The following DROSHA variants were observed in gnomAD, a reference collection of about 807,000 sequenced individuals.
The protein encoded by DROSHA is drosha ribonuclease III, also known as ribonuclease 3.
In DROSHA, 56 loss-of-function variants were observed where a neutral mutation model predicts 181.9. The observed-to-expected ratio is 0.31, with a 90% CI of 0.25 to 0.38. DROSHA has a LOEUF of 0.38. Ranked by LOEUF, DROSHA falls within the 10% of genes least tolerant of loss-of-function variation. The pLI, the probability that DROSHA is intolerant of heterozygous loss-of-function variation, is 1.00. For missense variants in DROSHA, 1,218 were observed against 1,743.5 expected (o/e 0.70, Z 5.37); for synonymous variants, 524 against 591.2 (o/e 0.89, Z 1.65).
chr5:31,481,536 C>G (rs1187443912), intron 16 of DROSHA, among the ~76,000 whole-genome samples: 1 of 152,190 alleles, frequency 6.6e-6, no homozygotes, highest in South Asian at 2.1e-4. Context: ...ACTGTTGAAG[C>G]TCCATTCTAA....
At chr5:31,531,771 G>A (rs1025722161) in intron 1 of DROSHA, among the ~76,000 whole-genome samples, 8 of 152,016 alleles carry the variant, frequency 5.3e-5, no homozygotes, top group African/African-American at 1.7e-4. Context: ...GGACCATAGT[G>A]TGTGCTCCAC....
intron 20 of DROSHA, among the ~76,000 whole-genome samples, chr5:31,456,344 G>T (rs558311280): frequency 8.7e-4 from 132 of 152,144 alleles, no homozygotes; most frequent in African/African-American, 3.0e-3. Context: ...GTAGGATGAG[G>T]TTGCTGTCTG....
intron 9 of DROSHA, among the ~76,000 whole-genome samples, chr5:31,510,444 C>G (rs1440281520): frequency 1.3e-5 from 2 of 152,194 alleles, no homozygotes; most frequent in African/African-American, 4.8e-5. Context: ...GAACATGTAG[C>G]TAAATGCACA....
chr5:31,408,993 C>CA, intron 33 of DROSHA, 63 bp downstream of exon 33: 2 of 1,475,132 alleles, frequency 1.4e-6, no homozygotes, highest in Non-Finnish European at 1.9e-6. Flanking sequence ...CTTCAAGGCA[C>CA]ATGGAAAGTC....
At chr5:31,500,857 C>A (rs541694937) in intron 11 of DROSHA, among the ~76,000 whole-genome samples, 95 of 152,324 alleles carry the variant, frequency 6.2e-4, no homozygotes, top group African/African-American at 2.1e-3. Flanking sequence ...GTTAATAGAA[C>A]ATGGTGTCCT....
chr5:31,491,316 T>C (rs895917500), intron 13 of DROSHA, among the ~76,000 whole-genome samples: 3 of 152,190 alleles, frequency 2.0e-5, no homozygotes, highest in African/African-American at 4.8e-5. Flanking sequence ...TGCCATCTTA[T>C]TTATTTTTCA....
At chr5:31,454,099 A>T (rs1747358897) in intron 20 of DROSHA, among the ~76,000 whole-genome samples, 1 of 152,216 alleles carries the variant, frequency 6.6e-6, no homozygotes. Flanking sequence ...TCTGTGTGAG[A>T]GAAGAGAGGC....
chr5:31,453,826 A>G (rs1747318094), intron 20 of DROSHA, among the ~76,000 whole-genome samples: 1 of 152,094 alleles, frequency 6.6e-6, no homozygotes, highest in African/African-American at 2.4e-5. Flanking sequence ...TACCTACAAG[A>G]CTTTAAATTT....
chr5:31,444,702 A>G (rs1199104028), intron 23 of DROSHA, among the ~76,000 whole-genome samples: 1 of 152,166 alleles, frequency 6.6e-6, no homozygotes, highest in South Asian at 2.1e-4. Context: ...AGACTTTACA[A>G]TGTAGCAGGG....
In DROSHA at chr5:31,437,249, A is replaced by G; in HGVS notation, c.2932T>C (p.Phe978Leu). 1 of 1,575,910 alleles carries G rather than the reference A, an allele frequency of 6.3e-7. No individual in the cohort carries two copies. Among genetic ancestry groups the G allele is most frequent in the Non-Finnish European group, 8.6e-7 (1 of 1,159,438 alleles). The change falls in exon 24 of 36, where the codon TTT becomes CTT. Residue 978 changes from phenylalanine (F) to leucine (L), a missense_variant. Coordinates refer to ENST00000344624, the MANE Select transcript of DROSHA (RefSeq NM_001382508.1). ...LEFLGDAVVE[F>L]LTSVHLYYLF... ...AAAAAGCCTAATTACCTGGTCAGAA[A>G]TTCAACAACAGCATCACCCAGGAAT...
intron 14 of DROSHA, among the ~76,000 whole-genome samples, chr5:31,485,431 T>G (rs1159765553): frequency 6.8e-6 from 1 of 147,246 alleles, no homozygotes; most frequent in African/African-American, 2.5e-5. Context: ...AATAAAGGGC[T>G]AAGAAAATTA....
At chr5:31,521,003 G>T in intron 6 of DROSHA, 120 bp downstream of exon 6, 1 of 858,724 alleles carries the variant, frequency 1.2e-6, no homozygotes, top group South Asian at 1.9e-5. Flanking sequence ...GCTTTTCACA[G>T]GTCATCTTGG....
chr5:31,529,068 G>T lies in DROSHA; in HGVS notation c.-9C>A, dbSNP rs370870212. Reference sequence around the variant, plus strand: ...GTGTTTCCCTGCATCATGATGTTCCGCCTGGATATGTCACATCTTCCACAG... The same window carrying T: ...GTGTTTCCCTGCATCATGATGTTCCTCCTGGATATGTCACATCTTCCACAG... On this transcript the variant is annotated 5_prime_UTR_variant, in exon 4 of 36. Coordinates refer to ENST00000344624, the MANE Select transcript of DROSHA (RefSeq NM_001382508.1). 2 of 1,612,602 alleles carry T rather than the reference G, an allele frequency of 1.2e-6. No individual in the cohort carries two copies. Among genetic ancestry groups the T allele is most frequent in the Non-Finnish European group, 1.7e-6 (2 of 1,179,484 alleles).
At chr5:31,427,817 A>T (rs1326231542) in intron 27 of DROSHA, among the ~76,000 whole-genome samples, 1 of 152,226 alleles carries the variant, frequency 6.6e-6, no homozygotes, top group Non-Finnish European at 1.5e-5. Flanking sequence ...ACATTGGTTC[A>T]CTAACATCTC....
chr5:31,530,603 C>A (rs1741175891), intron 3 of DROSHA, among the ~76,000 whole-genome samples, 195 bp downstream of exon 3: 2 of 141,576 alleles, frequency 1.4e-5, no homozygotes, highest in African/African-American at 5.2e-5. Flanking sequence ...GCACTCCAGC[C>A]TGGGCAACAA....
At chr5:31,486,190 T>A (rs146602166) in intron 14 of DROSHA, among the ~76,000 whole-genome samples, 2 of 152,282 alleles carry the variant, frequency 1.3e-5, no homozygotes, top group African/African-American at 4.8e-5. Flanking sequence ...CCTCTGATAA[T>A]GGCCAGTAAC....
intron 6 of DROSHA, among the ~76,000 whole-genome samples, chr5:31,517,092 A>C (rs1739347868): frequency 6.6e-6 from 1 of 152,330 alleles, no homozygotes; most frequent in East Asian, 1.9e-4. Context: ...ATTTTCATAT[A>C]ATTTAATTTG....
chr5:31,478,518 G>A (rs984785479), intron 16 of DROSHA, among the ~76,000 whole-genome samples: 6 of 152,174 alleles, frequency 3.9e-5, no homozygotes, highest in African/African-American at 7.2e-5. Context: ...GGGCAGACCT[G>A]AGGTCAGGAG....
intron 28 of DROSHA, among the ~76,000 whole-genome samples, chr5:31,424,150 G>C (rs1368037124): frequency 1.3e-5 from 2 of 152,072 alleles, no homozygotes; most frequent in Non-Finnish European, 1.5e-5. Flanking sequence ...TTTTGGTGGT[G>C]GTGGGGCATC....
Sources: gnomAD v4.1 joint callset for allele counts (sites outside exome capture counted in the v4.1 genomes callset) on GRCh38, gnomAD v4.1.1 for gene constraint, MANE v1.5 for transcripts, NCBI Gene and HGNC (gene_info 2026-07-23, HGNC 2026-07-21) for gene names.